The following LHFPL7 variants were observed in gnomAD, a reference collection of about 807,000 sequenced individuals.
LHFPL7 encodes LHFPL tetraspan subfamily member 7, also known as LHFPL tetraspan subfamily member 7 protein.
the LHFPL7 span, among the ~76,000 whole-genome samples, chr22:24,936,675 T>C: frequency 6.6e-6 from 1 of 152,172 alleles, no homozygotes; most frequent in Non-Finnish European, 1.5e-5. Flanking sequence ...CTCCCTTTTT[T>C]CCATGCCTTT....
chr22:24,943,868 A>T, the LHFPL7 span, among the ~76,000 whole-genome samples: 1 of 152,188 alleles, frequency 6.6e-6, no homozygotes, highest in Non-Finnish European at 1.5e-5. Context: ...GTTTAGAGGT[A>T]GCTGCTAGGG....
chr22:24,939,789 C>A, the LHFPL7 span, among the ~76,000 whole-genome samples: 1 of 152,110 alleles, frequency 6.6e-6, no homozygotes, highest in Admixed American at 6.5e-5. Context: ...TAAATGTTAG[C>A]CCTGAAAGAC....
chr22:24,935,165 G>A, the LHFPL7 span: 1 of 810,054 alleles, frequency 1.2e-6, no homozygotes. Flanking sequence ...TTATGAGGTA[G>A]GTATGATTTC....
the LHFPL7 span, among the ~76,000 whole-genome samples, chr22:24,937,748 T>G: frequency 6.6e-6 from 1 of 152,204 alleles, no homozygotes; most frequent in Non-Finnish European, 1.5e-5. Flanking sequence ...GATGCAGTCT[T>G]GCAGGTTCAC....
chr22:24,941,429 A>G, the LHFPL7 span, among the ~76,000 whole-genome samples: 2 of 152,100 alleles, frequency 1.3e-5, no homozygotes, highest in Middle Eastern at 3.4e-3. Context: ...CTGAAACACC[A>G]TGGATGTCTT....
At chr22:24,943,987 T>C in the LHFPL7 span, among the ~76,000 whole-genome samples, 23,724 of 152,200 alleles carry the variant, frequency 0.16, 2,056 homozygotes, top group South Asian at 0.27. Context: ...CCCAGCTCAA[T>C]GTGATCTCTT....
the LHFPL7 span, among the ~76,000 whole-genome samples, chr22:24,946,266 C>A: frequency 1.3e-5 from 2 of 152,118 alleles, no homozygotes; most frequent in Non-Finnish European, 2.9e-5. Flanking sequence ...GCCGAGATCA[C>A]ACCACTGCAC....
chr22:24,939,924 C>CTTTTTTTTTTTTTTTTTTTTTTTTTTTT, the LHFPL7 span, among the ~76,000 whole-genome samples: 5 of 86,992 alleles, frequency 5.7e-5, 2 homozygotes, highest in African/African-American at 2.2e-4. Flanking sequence ...TCATTTATCG[C>CTTTTTTTTTTTTTTTTTTTTTTTTTTTT]TTTTTTTTTT....
the LHFPL7 span, among the ~76,000 whole-genome samples, chr22:24,937,606 C>T: frequency 6.6e-6 from 1 of 152,162 alleles, no homozygotes; most frequent in Non-Finnish European, 1.5e-5. Flanking sequence ...AGCAGTGAGA[C>T]CTGTGAGGTG....
the LHFPL7 span, chr22:24,935,320 T>C: frequency 2.5e-6 from 4 of 1,608,810 alleles, no homozygotes; most frequent in Non-Finnish European, 2.5e-6. Flanking sequence ...TTTGTGCTAC[T>C]CCCAGGAGAT....
chr22:24,942,289 C>T, the LHFPL7 span, among the ~76,000 whole-genome samples: 34 of 152,344 alleles, frequency 2.2e-4, no homozygotes, highest in Non-Finnish European at 3.5e-4. Flanking sequence ...CCACCGCGCC[C>T]GGCCTCAAAT....
the LHFPL7 span, among the ~76,000 whole-genome samples, chr22:24,940,321 C>T: frequency 2.7e-5 from 4 of 146,236 alleles, no homozygotes; most frequent in African/African-American, 5.0e-5. Context: ...TAGCCGGGCG[C>T]GGTGGCTCAC....
the LHFPL7 span, among the ~76,000 whole-genome samples, chr22:24,942,128 T>C: frequency 6.6e-6 from 1 of 151,926 alleles, no homozygotes; most frequent in Admixed American, 6.6e-5. Flanking sequence ...CCCGAGTAGC[T>C]GGGACATAGG....
the LHFPL7 span, among the ~76,000 whole-genome samples, chr22:24,945,549 G>T: frequency 6.6e-6 from 1 of 152,230 alleles, no homozygotes; most frequent in Non-Finnish European, 1.5e-5. Context: ...TTTTGACCTG[G>T]GACGAAGAAC....
chr22:24,945,928 C>T, the LHFPL7 span, among the ~76,000 whole-genome samples: 4 of 152,240 alleles, frequency 2.6e-5, no homozygotes, highest in African/African-American at 4.8e-5. Flanking sequence ...AATTATGTAA[C>T]GGCTCTGAGC....
At chr22:24,944,817 G>C in the LHFPL7 span, among the ~76,000 whole-genome samples, 1 of 151,416 alleles carries the variant, frequency 6.6e-6, no homozygotes, top group Non-Finnish European at 1.5e-5. Flanking sequence ...GTTTTGTTTT[G>C]TTTTTGTTTT....
the LHFPL7 span, chr22:24,938,078 T>C: frequency 6.5e-6 from 10 of 1,540,842 alleles, no homozygotes; most frequent in Non-Finnish European, 8.7e-6. Flanking sequence ...GACTCATTCA[T>C]TCATTCATTC....
the LHFPL7 span, chr22:24,946,423 C>CCACACACACA: frequency 7.4e-6 from 1 of 135,556 alleles, no homozygotes; most frequent in Non-Finnish European, 1.6e-5. Context: ...ACCCACCCAC[C>CCACACACACA]CACACACACA....
At chr22:24,937,341 A>ATGC in the LHFPL7 span, among the ~76,000 whole-genome samples, 22 of 152,312 alleles carry the variant, frequency 1.4e-4, 1 homozygote, top group East Asian at 1.5e-3. Flanking sequence ...GTATATGAGC[A>ATGC]ACAGATTGCA....
Sources: allele counts gnomAD v4.1 joint callset (sites outside exome capture counted in the v4.1 genomes callset), GRCh38; gene constraint gnomAD v4.1.1; transcripts MANE v1.5; gene names NCBI Gene and HGNC (gene_info 2026-07-23, HGNC 2026-07-21).